MYO16: variants seen among roughly 807,000 people sequenced by gnomAD.
The protein encoded by MYO16 is unconventional myosin-XVI.
Under a neutral mutation model 205.3 loss-of-function variants are expected in MYO16, and 94 were observed. That is an observed-to-expected ratio of 0.46 (90% CI 0.39 to 0.54). The LOEUF (loss-of-function observed/expected upper bound fraction) is 0.54, where lower values mean the gene tolerates loss of function less well. Among genes scored for constraint, MYO16 ranks in the 20% least tolerant of loss-of-function variants. The pLI, the probability that MYO16 is intolerant of heterozygous loss-of-function variation, is 0.00. For synonymous variants in MYO16, 988 were observed against 954.0 expected (o/e 1.04, Z -0.66); for missense variants, 2,315 against 2,387.5 (o/e 0.97, Z 0.63).
In MYO16 at chr13:109,140,185, C is replaced by T; in HGVS notation, c.4052-79C>T. ...TCTCGGGGCACGGGGCCGTGGCTCC[C>T]TCCGAGTCGAGCCCCGGGCTTGGTG... is the stretch of plus-strand genomic sequence containing the variant. On this transcript the variant is annotated intron_variant, in intron 31 of 34. Transcript: ENST00000457511. This position sits in a 1 kb window ranked among gnomAD's most constrained non-coding sequence, Gnocchi z 8.0. 1.9e-6 allele frequency: 3 copies of T among 1,553,926 alleles called. No homozygotes were observed. Among genetic ancestry groups the T allele is most frequent in the Non-Finnish European group, 2.6e-6 (3 of 1,159,500 alleles).
chr13:109,022,019 G>A (rs1473340081), intron 23 of MYO16, among the ~76,000 whole-genome samples: 1 of 150,878 alleles, frequency 6.6e-6, no homozygotes, highest in Admixed American at 6.7e-5. Context: ...CTGGGGTGGT[G>A]AGTGGCACGT....
chr13:108,925,071 T>C (rs1050989717), intron 16 of MYO16, among the ~76,000 whole-genome samples: 1 of 152,094 alleles, frequency 6.6e-6, no homozygotes. Flanking sequence ...CACAGAGTCA[T>C]TTTTTGGATT....
chr13:109,059,546 C>T lies in MYO16; in HGVS notation c.3335+3951C>T, dbSNP rs528654534. 3.0e-3 allele frequency among the ~76,000 whole-genome samples: 460 copies of T among 152,208 alleles called. 3 individuals are homozygous for T. Among genetic ancestry groups the T allele is most frequent in the African/African-American group, 0.011 (449 of 41,558 alleles). ...GTGCTTTTTTTCATATGTTTGTTGGCCGCATAAATGTCTTCTTTTGAGAAG... is the reference window on the plus strand; with the variant it reads ...GTGCTTTTTTTCATATGTTTGTTGGTCGCATAAATGTCTTCTTTTGAGAAG... On this transcript the variant is annotated intron_variant, in intron 27 of 34. Coordinates refer to ENST00000457511, the MANE Select transcript of MYO16 (RefSeq NM_001198950.3).
chr13:108,752,081 A>G (rs760510624), intron 4 of MYO16, among the ~76,000 whole-genome samples: 2 of 152,166 alleles, frequency 1.3e-5, no homozygotes, highest in African/African-American at 4.8e-5. Flanking sequence ...AATTGAGGAC[A>G]CTGGTATGAG....
rs76565347 is a variant in MYO16, at chr13:108,790,566, T to C, written c.617-2950T>C. On this transcript the variant is annotated intron_variant, in intron 5 of 34. Transcript: ENST00000457511. The stretch of plus-strand genomic sequence containing the variant: ...CATTATCCGTTACAACGTAGACTTA[T>C]GGGCTATATCCATCTTGGTTGGTTT... Among the ~76,000 whole-genome samples, 457 of 152,342 alleles carry C rather than the reference T, an allele frequency of 3.0e-3. 2 individuals are homozygous for C. The highest frequency in any genetic ancestry group is 4.9e-3 in the Non-Finnish European group (331 of 68,022).
At chr13:109,124,906 A>G (rs575807569) in intron 29 of MYO16, among the ~76,000 whole-genome samples, 1 of 152,354 alleles carries the variant, frequency 6.6e-6, no homozygotes, top group South Asian at 2.1e-4. Context: ...GGCCTTTATC[A>G]TCAATATATT....
chr13:108,707,526 C>T (rs2139535473), intron 2 of MYO16, among the ~76,000 whole-genome samples: 1 of 152,278 alleles, frequency 6.6e-6, no homozygotes, highest in South Asian at 2.1e-4. Flanking sequence ...ATGAGCACCT[C>T]CTGTGAGCTC....
intron 1 of MYO16, among the ~76,000 whole-genome samples, 168 bp downstream of exon 1, chr13:108,630,040 T>G (rs2139352238): frequency 6.6e-6 from 1 of 152,190 alleles, no homozygotes; most frequent in East Asian, 1.9e-4. Flanking sequence ...TCCTTTTAAT[T>G]TTAGATTGTG....
chr13:109,176,922 G>C (rs1337044441), intron 33 of MYO16, among the ~76,000 whole-genome samples: 1 of 152,090 alleles, frequency 6.6e-6, no homozygotes, highest in Non-Finnish European at 1.5e-5. Context: ...TCTTTCTTTA[G>C]TCAACAGTTA....
chr13:109,174,319 G>A (rs548432049), intron 33 of MYO16, among the ~76,000 whole-genome samples: 2 of 152,096 alleles, frequency 1.3e-5, no homozygotes, highest in Non-Finnish European at 2.9e-5. Context: ...TTTAGGCCAG[G>A]GTTCCAGGAT....
chr13:109,195,169 C>T (rs1343644155), intron 34 of MYO16, among the ~76,000 whole-genome samples: 2 of 151,922 alleles, frequency 1.3e-5, no homozygotes, highest in African/African-American at 4.8e-5. Flanking sequence ...GTAAAAAATG[C>T]AAATCCTCTC....
the MYO16 span, among the ~76,000 whole-genome samples, chr13:108,508,289 G>A: frequency 1.2e-3 from 182 of 150,608 alleles, 1 homozygote; most frequent in African/African-American, 4.4e-3. Flanking sequence ...TAGTCTTTAT[G>A]GACTAGCTTT....
chr13:108,804,384 G>A (rs1195249586), intron 6 of MYO16, among the ~76,000 whole-genome samples: 1 of 152,144 alleles, frequency 6.6e-6, no homozygotes, highest in East Asian at 1.9e-4. Flanking sequence ...AAAGTAGCAG[G>A]AGAGGAATGT....
intron 34 of MYO16, among the ~76,000 whole-genome samples, chr13:109,191,804 A>T (rs918083892): frequency 2.0e-5 from 3 of 152,232 alleles, no homozygotes; most frequent in African/African-American, 7.2e-5. Flanking sequence ...AATTATGACT[A>T]TATCATATTA....
intron 5 of MYO16, among the ~76,000 whole-genome samples, chr13:108,789,209 A>G (rs535429047): frequency 2.0e-5 from 3 of 152,276 alleles, no homozygotes; most frequent in Non-Finnish European, 4.4e-5. Context: ...ATCACCAGGA[A>G]CATCACTTTT....
intron 24 of MYO16, among the ~76,000 whole-genome samples, chr13:109,049,795 C>T (rs145822652): frequency 7.9e-5 from 12 of 152,100 alleles, no homozygotes; most frequent in South Asian, 2.1e-4. Flanking sequence ...CTTAAAGTGA[C>T]GAAATCATTA....
rs777212968 is a variant in MYO16, at chr13:109,206,809, G to A, written c.5616G>A (p.Pro1872=). 104 of 1,614,056 alleles carry A rather than the reference G, an allele frequency of 6.4e-5. No individual in the cohort carries two copies. The highest frequency in any genetic ancestry group is 5.1e-4 in the East Asian group (23 of 44,856). ...KPEGASCNRL[P]SELWDTTI is the part of the protein sequence containing the mutation. Reference sequence around the variant, plus strand: ...AAGGGGCCTCCTGCAACAGGCTGCCGTCTGAGCTCTGGGACACCACCATTT... The same window carrying A: ...AAGGGGCCTCCTGCAACAGGCTGCCATCTGAGCTCTGGGACACCACCATTT... Residue 1872 remains proline, a synonymous_variant, in exon 35 of 35, where the codon CCG becomes CCA. Transcript: ENST00000457511.
chr13:108,823,644 G>A (rs1266710892), intron 9 of MYO16, among the ~76,000 whole-genome samples: 8 of 151,678 alleles, frequency 5.3e-5, no homozygotes, highest in Non-Finnish European at 8.8e-5. Context: ...TCTCTCATAA[G>A]CATAAAACTA....
intron 6 of MYO16, among the ~76,000 whole-genome samples, chr13:108,798,972 T>C: frequency 6.6e-6 from 1 of 151,880 alleles, no homozygotes; most frequent in East Asian, 1.9e-4. Context: ...CCCAAAGTGC[T>C]GGGATTACAG....
Sources: allele counts gnomAD v4.1 joint callset (sites outside exome capture counted in the v4.1 genomes callset), GRCh38; gene constraint gnomAD v4.1.1; non-coding constraint Gnocchi (gnomAD v3.1); transcripts MANE v1.5; gene names NCBI Gene and HGNC (gene_info 2026-07-23, HGNC 2026-07-21).